Variants in PRKG1 observed in about 807,000 individuals in gnomAD.
PRKG1 encodes the protein cGMP-dependent protein kinase 1.
PRKG1 carries 35 observed loss-of-function variants against 88.1 expected under a neutral mutation model. The ratio of observed to expected loss-of-function variants is 0.40; its 90% CI spans 0.30 to 0.53. The LOEUF is 0.53. Ranked by LOEUF, PRKG1 falls within the 20% of genes least tolerant of loss-of-function variation. The pLI is 0.59. For synonymous variants in PRKG1, 303 were observed against 292.5 expected (o/e 1.04, Z -0.37); for missense variants, 540 against 839.8 (o/e 0.64, Z 4.41).
intron 3 of PRKG1, among the ~76,000 whole-genome samples, chr10:51,490,457 T>C (rs1321013471): frequency 6.6e-6 from 1 of 152,158 alleles, no homozygotes; most frequent in Non-Finnish European, 1.5e-5. Context: ...AGAATCACTG[T>C]GTTCTCAACA....
intron 2 of PRKG1, among the ~76,000 whole-genome samples, chr10:51,181,611 T>C (rs1462120510): frequency 6.6e-6 from 1 of 152,198 alleles, no homozygotes; most frequent in Non-Finnish European, 1.5e-5. Context: ...AAAGCTGTTC[T>C]TAGAACATAC....
At chr10:52,145,390 T>C (rs1222766864) in intron 8 of PRKG1, among the ~76,000 whole-genome samples, 2 of 152,180 alleles carry the variant, frequency 1.3e-5, no homozygotes, top group Admixed American at 6.6e-5. Flanking sequence ...AATAAGAAAA[T>C]ATAAAAGATT....
At chr10:51,374,004 C>T (rs977851571) in intron 2 of PRKG1, among the ~76,000 whole-genome samples, 2 of 146,616 alleles carry the variant, frequency 1.4e-5, no homozygotes, top group South Asian at 2.2e-4. Flanking sequence ...TAGCTGGGGG[C>T]GGTGTAAGGC....
chr10:52,114,746 T>G (rs979672488), intron 7 of PRKG1, among the ~76,000 whole-genome samples: 3 of 152,096 alleles, frequency 2.0e-5, no homozygotes, highest in Non-Finnish European at 2.9e-5. Context: ...AAAGTAACAA[T>G]TTATGGCTCT....
Position 51,362,047 on chromosome 10 carries a change from T to C in PRKG1, c.479-105676T>C, listed in dbSNP as rs574849321. ...AAAAAACTGAAATAAAAATTAAGTA[T>C]AAGGGTTACATAATTGTGAAGTGGA... On this transcript the variant is annotated intron_variant, in intron 2 of 17. Coordinates refer to ENST00000373980, the MANE Select transcript of PRKG1 (RefSeq NM_006258.4). Among the ~76,000 whole-genome samples the C allele has an allele frequency of 5.3e-5, 8 of 152,064 alleles. No homozygotes were observed. In the South Asian group the frequency reaches 1.7e-3, roughly 31 times the overall value.
chr10:51,542,971 A>T (rs777032604), intron 3 of PRKG1, among the ~76,000 whole-genome samples: 3 of 152,204 alleles, frequency 2.0e-5, no homozygotes, highest in Non-Finnish European at 4.4e-5. Context: ...TGAGTGTTTT[A>T]GTTGATGTCA....
intron 9 of PRKG1, among the ~76,000 whole-genome samples, chr10:52,220,486 G>C (rs1414372947): frequency 6.6e-6 from 1 of 151,962 alleles, no homozygotes; most frequent in South Asian, 2.1e-4. Flanking sequence ...TGTCATGGGG[G>C]TATGTCGTAC....
chr10:51,782,276 A>G (rs924795319), intron 3 of PRKG1, among the ~76,000 whole-genome samples: 22 of 152,084 alleles, frequency 1.4e-4, no homozygotes, highest in African/African-American at 5.1e-4. Flanking sequence ...GACTTACAAT[A>G]TTTTCAACTT....
intron 3 of PRKG1, among the ~76,000 whole-genome samples, chr10:51,657,204 G>A (rs1485786770): frequency 6.6e-6 from 1 of 151,966 alleles, no homozygotes; most frequent in Non-Finnish European, 1.5e-5. Context: ...TACTCTCATT[G>A]TTTTATATGC....
Position 51,231,710 on chromosome 10 carries a change from ATT to A in PRKG1, c.478+78395_478+78396del, listed in dbSNP as rs758817416. Among the ~76,000 whole-genome samples the A allele has an allele frequency of 7.1e-3, 990 of 139,862 alleles. 5 individuals carry two copies. Among genetic ancestry groups the A allele is most frequent in the African/African-American group, 0.022 (862 of 38,322 alleles). The allele number at this position is 139,862 out of a possible 152,430, so 91.8% of individuals were successfully genotyped here. A position where few individuals can be genotyped will look rare whatever the true frequency, so the allele number is the denominator to read the frequency against. ...GGAATTATTTGGCAACATCTGAAAC[ATT>A]TTTTTTTTTTTTTTACCTACAACAC... On this transcript the variant is annotated intron_variant, in intron 2 of 17. Transcript: ENST00000373980.
intron 4 of PRKG1, among the ~76,000 whole-genome samples, chr10:51,819,118 CATG>C (rs1227845892): frequency 6.8e-6 from 1 of 147,692 alleles, no homozygotes; most frequent in Non-Finnish European, 1.5e-5. Context: ...GTACAAGAAG[CATG>C]ATACCTGCAT....
intron 2 of PRKG1, among the ~76,000 whole-genome samples, chr10:51,180,578 C>T (rs1314749195): frequency 6.6e-6 from 1 of 152,176 alleles, no homozygotes; most frequent in Non-Finnish European, 1.5e-5. Context: ...AATGTAATGA[C>T]TAGCTGTGTT....
intron 2 of PRKG1, among the ~76,000 whole-genome samples, chr10:51,206,185 G>T (rs939906610): frequency 5.9e-5 from 9 of 152,018 alleles, no homozygotes; most frequent in African/African-American, 2.2e-4. Context: ...GGGGCTACTT[G>T]CCTGTCAAGA....
intron 5 of PRKG1, among the ~76,000 whole-genome samples, chr10:52,010,604 A>G (rs1445514439): frequency 6.6e-6 from 1 of 152,190 alleles, no homozygotes; most frequent in Non-Finnish European, 1.5e-5. Context: ...AACACCCTGA[A>G]TGTAAAATAA....
intron 1 of PRKG1, among the ~76,000 whole-genome samples, chr10:51,020,886 C>A (rs949304557): frequency 6.6e-6 from 1 of 152,102 alleles, no homozygotes; most frequent in African/African-American, 2.4e-5. Context: ...AAACATTCTT[C>A]AATATTAAAT....
intron 1 of PRKG1, among the ~76,000 whole-genome samples, chr10:51,116,369 C>T (rs1286385801): frequency 1.3e-5 from 2 of 152,060 alleles, no homozygotes; most frequent in Non-Finnish European, 1.5e-5. Context: ...ATAATCCCTT[C>T]GAAGAACTAG....
intron 2 of PRKG1, among the ~76,000 whole-genome samples, chr10:51,295,120 G>C (rs1412186800): frequency 6.6e-6 from 1 of 151,910 alleles, no homozygotes. Flanking sequence ...GGCTATTGAA[G>C]GTCTTTTATG....
At chr10:52,265,587 A>G (rs952940049) in intron 10 of PRKG1, among the ~76,000 whole-genome samples, 2 of 152,122 alleles carry the variant, frequency 1.3e-5, no homozygotes, top group Non-Finnish European at 1.5e-5. Context: ...TTCCCAATAA[A>G]GGCAAAAAAT....
At chr10:51,731,346 T>G (rs920655781) in intron 3 of PRKG1, among the ~76,000 whole-genome samples, 1 of 152,204 alleles carries the variant, frequency 6.6e-6, no homozygotes, top group African/African-American at 2.4e-5. Context: ...GATTAGATGG[T>G]AGCCCGTTAA....
Sources: gnomAD v4.1 joint callset for allele counts (sites outside exome capture counted in the v4.1 genomes callset) on GRCh38, gnomAD v4.1.1 for gene constraint, MANE v1.5 for transcripts, NCBI Gene and HGNC (gene_info 2026-07-23, HGNC 2026-07-21) for gene names.